RAB37: variants seen among roughly 807,000 people sequenced by gnomAD.
The protein encoded by RAB37 is ras-related protein Rab-37.
In RAB37, 29 loss-of-function variants were observed where a neutral mutation model predicts 33.1. That is an observed-to-expected ratio of 0.88 (90% confidence interval 0.65 to 1.20). RAB37 has a LOEUF of 1.20. Ranked by LOEUF, RAB37 falls within the 50% of genes most tolerant of loss-of-function variation. The pLI is 0.00. For synonymous variants in RAB37, 128 were observed against 119.5 expected, an observed-to-expected ratio of 1.07 and a Z score of -0.47; for missense variants, 299 against 301.1, an observed-to-expected ratio of 0.99 and a Z score of 0.05.
chr17:74,713,169 G>A (rs2034085116), intron 1 of RAB37, among the ~76,000 whole-genome samples: 1 of 152,068 alleles, frequency 6.6e-6, no homozygotes, highest in South Asian at 2.1e-4. Context: ...GCCAGGCGTG[G>A]TGGCGCACAC....
At position 74,712,179 on chromosome 17, in the gene RAB37, G is replaced by A. The variant is rs148203743; in HGVS notation, c.73-17077G>A. 3.0e-3 allele frequency among the ~76,000 whole-genome samples: 456 copies of A among 152,000 alleles called. 2 individuals carry two copies. The highest frequency in any genetic ancestry group is 0.01 in the African/African-American group (421 of 41,474). ...AGCCTCCCAAAGTGCTGGGATTACA[G>A]GAATGAGCCTCTTTCCCTGGCCTCC... On this transcript the variant is annotated intron_variant, in intron 1 of 7. Transcript: ENST00000340415.
chr17:74,729,454 A>G lies in RAB37; in HGVS notation c.183+88A>G, dbSNP rs2034357550. 4 of 880,340 alleles carry G rather than the reference A, an allele frequency of 4.5e-6. No individual in the cohort carries two copies. In the East Asian group the frequency reaches 7.2e-5, roughly 16 times the overall value. 54.5% of individuals were successfully genotyped at this position (880,340 alleles called of 1,614,324 possible). On this transcript the variant is annotated intron_variant, in intron 2 of 7. Coordinates refer to the RAB37 transcript ENST00000340415. The surrounding 1 kb of genome is among the most constrained non-coding windows in gnomAD (Gnocchi z 4.2). ...GAGTGCCAGCAGGAAACAGGTGGAC[A>G]CTCGCATTGGATCATTCAAGGAGGA...
intron 2 of RAB37, among the ~76,000 whole-genome samples, chr17:74,741,952 C>T (rs561552450): frequency 1.2e-4 from 18 of 152,284 alleles, no homozygotes; most frequent in African/African-American, 4.3e-4. Flanking sequence ...GGCAGGGCCT[C>T]CAGCAGCAAC....
At position 74,742,665 on chromosome 17, in the gene RAB37, G is replaced by T. The variant is rs756818922; in HGVS notation, c.246+370G>T. 2.0e-5 allele frequency among the ~76,000 whole-genome samples: 3 copies of T among 149,094 alleles called. No individual in the cohort carries two copies. The highest frequency in any genetic ancestry group is 4.4e-5 in the Non-Finnish European group (3 of 67,510). On this transcript the variant is annotated intron_variant, in intron 3 of 8. Transcript: ENST00000392613. The surrounding 1 kb of genome is among the most constrained non-coding windows in gnomAD (Gnocchi z 4.0). The stretch of plus-strand genomic sequence containing the variant: ...TTTTGAGATGGAGTCTCGCTCTGTC[G>T]CCCAGGCTGGAGTGCAGTGGCACAA...
At chr17:74,737,245 C>G (rs909500233), upstream of RAB37, 1 of 1,545,262 alleles carries the variant, frequency 6.5e-7, no homozygotes, top group Non-Finnish European at 8.7e-7. Flanking sequence ...GCCTGCGGGC[C>G]GGCACTGCTC....
intron 1 of RAB37, among the ~76,000 whole-genome samples, chr17:74,713,848 A>G (rs1598298661): frequency 7.9e-6 from 1 of 126,800 alleles, no homozygotes; most frequent in East Asian, 2.6e-4. Context: ...AGATCACTTG[A>G]GGCCAGGAGT....
intron 1 of RAB37, among the ~76,000 whole-genome samples, chr17:74,711,097 T>A (rs2033928619): frequency 6.6e-6 from 1 of 152,120 alleles, no homozygotes; most frequent in African/African-American, 2.4e-5. Context: ...GGGTATTTTT[T>A]TTCTTGGGTG....
At chr17:74,735,018 GAAGAAAGAAAGAAAGAAAGAAAGAAAGA>G (rs562187740), upstream of RAB37, among the ~76,000 whole-genome samples, 2 of 82,260 alleles carry the variant, frequency 2.4e-5, no homozygotes, top group Non-Finnish European at 4.2e-5. Flanking sequence ...AGGAAGGAAG[GAAGAAAGAAAGAAAGAAAGAAAGAAAGA>G]AAGAAAGAAA....
chr17:74,678,060 G>C (rs1324455277), intron 1 of RAB37, among the ~76,000 whole-genome samples: 1 of 152,196 alleles, frequency 6.6e-6, no homozygotes, highest in East Asian at 1.9e-4. Context: ...CTGGAGAATT[G>C]TTGAAGTGGG....
intron 1 of RAB37, chr17:74,712,958 G>A (rs1163591350): frequency 1.8e-5 from 24 of 1,306,114 alleles, no homozygotes; most frequent in African/African-American, 2.9e-5. Flanking sequence ...ACTCACTCTC[G>A]CCCTTGAACT....
At chr17:74,699,311 C>T (rs2032817100) in intron 1 of RAB37, among the ~76,000 whole-genome samples, 1 of 152,102 alleles carries the variant, frequency 6.6e-6, no homozygotes, top group Non-Finnish European at 1.5e-5. Flanking sequence ...CAGCAGACTC[C>T]TAAAACACCT....
intron 1 of RAB37, chr17:74,703,187 T>C: frequency 3.3e-6 from 5 of 1,531,468 alleles, no homozygotes; most frequent in South Asian, 2.3e-5. Flanking sequence ...CAGATGCCCC[T>C]GCCCATGAGC....
intron 1 of RAB37, chr17:74,695,118 T>A: frequency 6.2e-7 from 1 of 1,614,052 alleles, no homozygotes; most frequent in Non-Finnish European, 8.5e-7. Flanking sequence ...GATGGTGCTG[T>A]ATTCCGTGGG....
rs2034526496 is a variant in RAB37 at position 74,738,218 on chromosome 17, C to T, written c.93+853C>T. Among the ~76,000 whole-genome samples, 2 of 152,180 alleles carry T rather than the reference C, an allele frequency of 1.3e-5. No homozygotes were observed. The highest frequency in any genetic ancestry group is 3.8e-4 in the East Asian group (2 of 5,200). On this transcript the variant is annotated intron_variant, in intron 1 of 8. Transcript: ENST00000392613. This position sits in a 1 kb window ranked among gnomAD's most constrained non-coding sequence, Gnocchi z 5.0. ...GGAGTGAGGGCTGTCCTGGATTCCG[C>T]TGCATGGCCTTGAAGGAGACCTGCC...
chr17:74,681,117 C>T (rs1025852364), intron 1 of RAB37, among the ~76,000 whole-genome samples: 5 of 152,246 alleles, frequency 3.3e-5, no homozygotes, highest in African/African-American at 7.2e-5. Flanking sequence ...AGGGATGGCA[C>T]AGGCAGAGAT....
Position 74,744,385 on chromosome 17 carries a change from C to CGGGGCA in RAB37, c.432+16_432+21dup, listed in dbSNP as rs1212599546. 1 of 1,613,888 alleles carries CGGGGCA rather than the reference C, an allele frequency of 6.2e-7. No individual in the cohort carries two copies. Among genetic ancestry groups the CGGGGCA allele is most frequent in the East Asian group, 2.2e-5 (1 of 44,878 alleles). On this transcript the variant is annotated intron_variant, in intron 6 of 8. Transcript: ENST00000392613. The surrounding 1 kb of genome is among the most constrained non-coding windows in gnomAD (Gnocchi z 4.2). ...TGCTAGGCAACAAGGTGAGTGGCTC[C>CGGGGCA]GGGGCAGGGTCAGCCCAGCCCTGCA...
chr17:74,684,672 C>T (rs1598184038), intron 1 of RAB37, among the ~76,000 whole-genome samples: 2 of 152,000 alleles, frequency 1.3e-5, no homozygotes, highest in South Asian at 4.2e-4. Flanking sequence ...TCCCTGTAAC[C>T]CCAACTACTC....
At chr17:74,731,146 C>T (rs923300362) in intron 2 of RAB37, among the ~76,000 whole-genome samples, 6 of 152,208 alleles carry the variant, frequency 3.9e-5, no homozygotes, top group Admixed American at 2.0e-4. Flanking sequence ...ATCGGGGTCT[C>T]CTCCAGATAT....
upstream of RAB37, among the ~76,000 whole-genome samples, chr17:74,733,468 A>AGG (rs1598316003): frequency 6.1e-4 from 1 of 1,632 alleles, no homozygotes; most frequent in Non-Finnish European, 1.3e-3. Context: ...GATTTGAGGG[A>AGG]TGTGTGTGGT....
Sources: allele counts gnomAD v4.1 joint callset (sites outside exome capture counted in the v4.1 genomes callset), GRCh38; gene constraint gnomAD v4.1.1; non-coding constraint Gnocchi (gnomAD v3.1); transcripts MANE v1.5; gene names NCBI Gene and HGNC (gene_info 2026-07-23, HGNC 2026-07-21).